Variants in DHX57 observed in about 807,000 individuals in gnomAD.
DHX57 encodes the protein putative ATP-dependent RNA helicase DHX57.
Under a neutral mutation model 156.2 loss-of-function variants are expected in DHX57, and 105 were observed. That is an observed-to-expected ratio of 0.67 (90% confidence interval 0.57 to 0.79). The LOEUF (loss-of-function observed/expected upper bound fraction) is 0.79. Among genes scored for constraint, DHX57 ranks in the 30% least tolerant of loss-of-function variants. DHX57 has a pLI of 0.00. For synonymous variants in DHX57, 704 were observed against 595.6 expected (o/e 1.18, Z -2.65); for missense variants, 1,847 against 1,661.9 (o/e 1.11, Z -1.94).
At chr2:38,811,655 A>G in intron 21 of DHX57, 1 of 1,239,996 alleles carries the variant, frequency 8.1e-7, no homozygotes, top group Non-Finnish European at 1.2e-6. Context: ...TGCTGAACAT[A>G]GCATCTGGGA....
intron 6 of DHX57, 57 bp downstream of exon 6, chr2:38,858,604 A>C: frequency 1.3e-6 from 2 of 1,534,200 alleles, no homozygotes; most frequent in Non-Finnish European, 1.7e-6. Flanking sequence ...CTAATTCCTA[A>C]TCCCATCATC....
chr2:38,838,138 A>T (rs1336078461), intron 12 of DHX57, among the ~76,000 whole-genome samples, 191 bp from the exon 13 acceptor site: 2 of 152,132 alleles, frequency 1.3e-5, no homozygotes, highest in Non-Finnish European at 2.9e-5. Context: ...TTGCTCTGTC[A>T]CCCAGGCTGG....
chr2:38,840,573 T>A (rs1053225161), intron 12 of DHX57, among the ~76,000 whole-genome samples: 5 of 87,838 alleles, frequency 5.7e-5, no homozygotes, highest in East Asian at 1.6e-3. Context: ...TTGTTTTTTT[T>A]AAAACAAACA....
At chr2:38,814,786 G>A (rs3112219) in intron 20 of DHX57, among the ~76,000 whole-genome samples, 13,441 of 151,384 alleles carry the variant, frequency 0.089, 817 homozygotes, top group South Asian at 0.15. Flanking sequence ...GCAATGGCGC[G>A]ATCTCGGCTC....
intron 11 of DHX57, among the ~76,000 whole-genome samples, chr2:38,845,367 G>A (rs1050483989): frequency 3.3e-5 from 5 of 152,088 alleles, no homozygotes; most frequent in African/African-American, 1.2e-4. Flanking sequence ...AGCTCCCTAA[G>A]TATCCTTATT....
chr2:38,820,665 G>A (rs944980039), intron 17 of DHX57, among the ~76,000 whole-genome samples: 15 of 152,092 alleles, frequency 9.9e-5, no homozygotes, highest in Admixed American at 9.2e-4. Flanking sequence ...CACTGGACCA[G>A]CTGGTTTATA....
intron 9 of DHX57, among the ~76,000 whole-genome samples, chr2:38,849,975 T>C (rs980862512): frequency 6.6e-6 from 1 of 152,200 alleles, no homozygotes; most frequent in Non-Finnish European, 1.5e-5. Flanking sequence ...ATTTTACTTA[T>C]TTATCTTGCT....
chr2:38,832,763 C>A (rs1363818778), intron 13 of DHX57, among the ~76,000 whole-genome samples: 2 of 151,826 alleles, frequency 1.3e-5, no homozygotes, highest in Non-Finnish European at 2.9e-5. Flanking sequence ...GTCTCGAACT[C>A]CTGACTTTAG....
intron 13 of DHX57, among the ~76,000 whole-genome samples, chr2:38,833,309 A>G (rs1671476345): frequency 6.6e-6 from 1 of 151,664 alleles, no homozygotes; most frequent in African/African-American, 2.4e-5. Context: ...TGCCCAGCTA[A>G]TTTTTGTATT....
rs370746417 is a variant in DHX57, at chr2:38,854,111, G to C, written c.1973C>G (p.Ala658Gly). Reference protein sequence around the residue: ...VLLRRLEGDTALQGVSHIIVD... With the variant: ...VLLRRLEGDTGLQGVSHIIVD... Reference sequence around the variant, plus strand: ...AATGATATGGGAAACTCCTTGTAGAGCTGTATCTCCTTCTAGCCTTCTCAG... The same window carrying C: ...AATGATATGGGAAACTCCTTGTAGACCTGTATCTCCTTCTAGCCTTCTCAG... Residue 658 changes from alanine (A) to glycine (G), a missense_variant, in exon 9 of 24, where the codon GCT (alanine) becomes GGT (glycine). Physicochemically the swap from Ala to Gly is moderately conservative, Grantham distance 60. Coordinates refer to ENST00000457308, the MANE Select transcript of DHX57 (RefSeq NM_198963.3). 6.2e-7 allele frequency: 1 copy of C among 1,613,902 alleles called. No individual in the cohort carries two copies. Among genetic ancestry groups the C allele is most frequent in the Non-Finnish European group, 8.5e-7 (1 of 1,179,946 alleles).
chr2:38,818,186 C>T (rs1670637119), intron 19 of DHX57, among the ~76,000 whole-genome samples: 1 of 152,216 alleles, frequency 6.6e-6, no homozygotes, highest in African/African-American at 2.4e-5. Context: ...TATGTATAAG[C>T]ATACAATTTT....
rs536576363 is a variant in DHX57, at chr2:38,854,561, T to G, written c.1906-383A>C. Reference sequence around the variant, plus strand: ...TTTAGTACAACCAAATAAGAGTTTTTTTTTTTTTTTTTTTTTTGAGACAGA... The same window carrying G: ...TTTAGTACAACCAAATAAGAGTTTTGTTTTTTTTTTTTTTTTTGAGACAGA... On this transcript the variant is annotated intron_variant, in intron 8 of 23. Coordinates refer to ENST00000457308, the MANE Select transcript of DHX57 (RefSeq NM_198963.3). The G allele has an allele frequency of 3.9e-3, 583 of 148,374 alleles. 4 individuals carry two copies. Among genetic ancestry groups the G allele is most frequent in the African/African-American group, 0.014 (554 of 40,480 alleles). The allele number at this position is 148,374 out of a possible 1,614,324, so 9.2% of individuals were successfully genotyped here.
At chr2:38,868,818 A>G (rs1665214062) in intron 1 of DHX57, among the ~76,000 whole-genome samples, 1 of 151,866 alleles carries the variant, frequency 6.6e-6, no homozygotes, top group Admixed American at 6.6e-5. Flanking sequence ...TTATTTATTT[A>G]TTTATTTATT....
At position 38,798,345 on chromosome 2, in the gene DHX57, C is replaced by A; in HGVS notation, c.4115G>T (p.Gly1372Val). The change falls in exon 24 of 24, where the codon GGA (glycine) becomes GTA (valine). Residue 1372 changes from glycine (G) to valine (V), a missense_variant. Transcript: ENST00000457308. ...PSIDLCTCPRGSRIISTIVKL... is the reference protein window; with the variant it reads ...PSIDLCTCPRVSRIISTIVKL... Reference sequence around the variant, plus strand: ...CACAATTGTGCTGATGATCCGGGATCCTCGAGGACACGTACACAGATCAAT... The same window carrying A: ...CACAATTGTGCTGATGATCCGGGATACTCGAGGACACGTACACAGATCAAT... 6.2e-7 allele frequency: 1 copy of A among 1,613,928 alleles called. No homozygotes were observed. The highest frequency in any genetic ancestry group is 8.5e-7 in the Non-Finnish European group (1 of 1,179,962).
chr2:38,829,988 C>T (rs1191165853), intron 13 of DHX57, among the ~76,000 whole-genome samples: 2 of 152,102 alleles, frequency 1.3e-5, no homozygotes, highest in African/African-American at 4.8e-5. Flanking sequence ...GCGTGAAGAG[C>T]AGTCACTCAG....
intron 12 of DHX57, among the ~76,000 whole-genome samples, chr2:38,841,846 G>C (rs1672025145): frequency 1.3e-5 from 2 of 152,170 alleles, no homozygotes; most frequent in African/African-American, 4.8e-5. Context: ...CTAGAGTCTG[G>C]CATGGGAGGA....
intron 9 of DHX57, among the ~76,000 whole-genome samples, chr2:38,851,668 C>A (rs1287581155): frequency 6.6e-6 from 1 of 152,140 alleles, no homozygotes; most frequent in Non-Finnish European, 1.5e-5. Flanking sequence ...GGAACCAAAT[C>A]CAGTGCTATG....
chr2:38,835,528 C>G (rs1210566183), intron 13 of DHX57, among the ~76,000 whole-genome samples: 2 of 152,128 alleles, frequency 1.3e-5, no homozygotes, highest in African/African-American at 4.8e-5. Flanking sequence ...CACCCAGAAC[C>G]CCATGAGTTC....
At position 38,812,615 on chromosome 2, in the gene DHX57, C is replaced by T. The variant is rs1670308282; in HGVS notation, c.3681+1206G>A. The stretch of plus-strand genomic sequence containing the variant: ...ATGGTATGATCTCGCCTCACCACAA[C>T]CTCTGCCTCCCGGGTTTAAGCGATT... On this transcript the variant is annotated intron_variant, in intron 21 of 23. Coordinates refer to ENST00000457308, the MANE Select transcript of DHX57 (RefSeq NM_198963.3). Among the ~76,000 whole-genome samples, 4 of 152,318 alleles carry T rather than the reference C, an allele frequency of 2.6e-5. No homozygotes were observed. The South Asian group carries it at 8.3e-4, about 32-fold the overall frequency.
Sources: allele counts gnomAD v4.1 joint callset (sites outside exome capture counted in the v4.1 genomes callset), GRCh38; gene constraint gnomAD v4.1.1; transcripts MANE v1.5; gene names NCBI Gene and HGNC (gene_info 2026-07-23, HGNC 2026-07-21).